The following SLC25A24 variants were observed in gnomAD, a reference collection of about 807,000 sequenced individuals.
SLC25A24 encodes solute carrier family 25 member 24.
A neutral mutation model predicts 60.7 loss-of-function variants in SLC25A24; 49 were observed. That is an observed-to-expected ratio of 0.81 (90% CI 0.64 to 1.02). The LOEUF is 1.02. SLC25A24 is among the 50% of genes least tolerant of loss of function. The probability of loss-of-function intolerance (pLI) is 0.00; values close to 1 mark genes in which losing one functional copy is unlikely to be tolerated. For missense variants in SLC25A24, 564 were observed against 586.3 expected (o/e 0.96, Z 0.39); for synonymous variants, 202 against 200.6 (o/e 1.01, Z -0.06).
chr1:108,152,016 A>G (rs1000776859), intron 6 of SLC25A24, among the ~76,000 whole-genome samples: 8 of 152,100 alleles, frequency 5.3e-5, no homozygotes, highest in African/African-American at 9.6e-5. Context: ...TCTTACCTCA[A>G]TTATTTAAAT....
intron 7 of SLC25A24, among the ~76,000 whole-genome samples, chr1:108,145,063 C>G (rs962034927): frequency 2.0e-5 from 3 of 152,194 alleles, no homozygotes; most frequent in African/African-American, 7.2e-5. Flanking sequence ...TAAAAGCATT[C>G]CTATTTCTCC....
chr1:108,165,401 T>C (rs1288151952), intron 3 of SLC25A24, among the ~76,000 whole-genome samples: 1 of 147,724 alleles, frequency 6.8e-6, no homozygotes, highest in Non-Finnish European at 1.5e-5. Flanking sequence ...GGTGTGAAAG[T>C]CTCCCATTAT....
At position 108,135,172 on chromosome 1, in the gene SLC25A24, TTATCA is replaced by T. The variant is rs1371974715; in HGVS notation, c.*1476_*1480del. The T allele has an allele frequency of 4.6e-5, 7 of 152,562 alleles. No homozygotes were observed. The highest frequency in any genetic ancestry group is 1.7e-4 in the African/African-American group (7 of 41,454). The allele number at this position is 152,562 out of a possible 1,614,324, so 9.5% of individuals were successfully genotyped here. A position where few individuals can be genotyped will look rare whatever the true frequency, so the allele number is the denominator to read the frequency against. On this transcript the variant is annotated 3_prime_UTR_variant, in exon 10 of 10. Coordinates refer to ENST00000565488, the MANE Select transcript of SLC25A24 (RefSeq NM_013386.5). ...TAACCCTAAAAGTAGAATCCCAGGC[TTATCA>T]TATTATAAAAATACTGAGACATTTA...
chr1:108,139,760 C>T (rs1232427257), intron 8 of SLC25A24, among the ~76,000 whole-genome samples: 1 of 152,024 alleles, frequency 6.6e-6, no homozygotes, highest in Non-Finnish European at 1.5e-5. Context: ...TACAGGCACC[C>T]ACCACCACGC....
chr1:108,191,815 C>T lies in SLC25A24; in HGVS notation c.184-5861G>A, dbSNP rs1648352315. On this transcript the variant is annotated intron_variant, in intron 1 of 9. Coordinates refer to ENST00000565488, the MANE Select transcript of SLC25A24 (RefSeq NM_013386.5). The stretch of plus-strand genomic sequence containing the variant: ...GTCAAACATCCAAAGAGCAAATATA[C>T]TTATAAAGTAATTATTATATACAAT... 1.4e-5 allele frequency among the ~76,000 whole-genome samples: 2 copies of T among 139,618 alleles called. 1 individual carries two copies. 91.6% of individuals were successfully genotyped at this position (139,618 alleles called of 152,430 possible). A position where few individuals can be genotyped will look rare whatever the true frequency, so the allele number is the denominator to read the frequency against.
chr1:108,139,537 C>T (rs145954028), intron 8 of SLC25A24, among the ~76,000 whole-genome samples: 1 of 152,254 alleles, frequency 6.6e-6, no homozygotes, highest in Non-Finnish European at 1.5e-5. Context: ...TCATTTTACA[C>T]GTTACATATA....
At chr1:108,145,778 C>T (rs953161584) in intron 7 of SLC25A24, among the ~76,000 whole-genome samples, 3 of 152,112 alleles carry the variant, frequency 2.0e-5, no homozygotes, top group Admixed American at 2.0e-4. Context: ...TGTTTGGTAC[C>T]AGTACCATGC....
intron 7 of SLC25A24, among the ~76,000 whole-genome samples, chr1:108,146,424 T>C (rs185489588): frequency 1.6e-4 from 24 of 152,354 alleles, no homozygotes; most frequent in Non-Finnish European, 2.8e-4. Flanking sequence ...TCCTGCCTGA[T>C]TGCCTTGGCC....
chr1:108,180,321 C>G (rs894653013), intron 3 of SLC25A24, among the ~76,000 whole-genome samples: 47 of 151,238 alleles, frequency 3.1e-4, no homozygotes, highest in African/African-American at 1.0e-3. Flanking sequence ...GCTGAGATCG[C>G]ACCATTGCAC....
chr1:108,189,432 G>T (rs1648263932), intron 1 of SLC25A24, among the ~76,000 whole-genome samples: 1 of 152,184 alleles, frequency 6.6e-6, no homozygotes. Context: ...CCCAGGAGGT[G>T]AATGTCCTTT....
chr1:108,157,572 C>T lies in SLC25A24; in HGVS notation c.559G>A (p.Asp187Asn). The T allele has an allele frequency of 6.2e-7, 1 of 1,614,118 alleles. No homozygotes were observed. Among genetic ancestry groups the T allele is most frequent in the Non-Finnish European group, 8.5e-7 (1 of 1,180,018 alleles). ...SLTIPDEFTE[D>N]EKKSGQWWRQ... is the part of the protein sequence containing the mutation. ...CACCATTGTCCGGATTTTTTTTCGT[C>T]TTCCGTGAATTCATCTGGAATAGTT... The change falls in exon 5 of 10, where the codon GAC becomes AAC. Residue 187 changes from aspartate (D) to asparagine (N), a missense_variant. Asp to Asn is a conservative substitution (Grantham distance 23). Transcript: ENST00000565488.
At chr1:108,192,757 CA>C in intron 1 of SLC25A24, 1 of 1,362,978 alleles carries the variant, frequency 7.3e-7, no homozygotes, top group Non-Finnish European at 9.5e-7. Flanking sequence ...TCAGGGGCGC[CA>C]AACACAATGC....
chr1:108,137,231 T>C (rs1679316055), intron 9 of SLC25A24, among the ~76,000 whole-genome samples: 1 of 152,160 alleles, frequency 6.6e-6, no homozygotes, highest in African/African-American at 2.4e-5. Flanking sequence ...CTAAAGCTGG[T>C]ACACTTTCCA....
At chr1:108,160,321 C>T (rs1291214519) in intron 4 of SLC25A24, among the ~76,000 whole-genome samples, 59 of 150,406 alleles carry the variant, frequency 3.9e-4, no homozygotes, top group African/African-American at 1.3e-3. Flanking sequence ...GATGGGATGG[C>T]GGCCGGGAAG....
intron 4 of SLC25A24, among the ~76,000 whole-genome samples, chr1:108,160,201 G>A (rs1269958800): frequency 6.6e-5 from 10 of 152,002 alleles, no homozygotes; most frequent in South Asian, 2.1e-4. Context: ...CTTCTCAGAC[G>A]GGGCGGCCGA....
intron 7 of SLC25A24, among the ~76,000 whole-genome samples, chr1:108,144,128 G>T (rs1679520423): frequency 6.6e-6 from 1 of 152,058 alleles, no homozygotes; most frequent in South Asian, 2.1e-4. Flanking sequence ...AGGAAAAATA[G>T]GTATTAAGTT....
Position 108,185,958 on chromosome 1 carries a change from T to TA in SLC25A24, c.184-5dup, listed in dbSNP as rs748277671. ...CATCTCCAGTAGTAAAAATTTTCTATAAAAAAAAATTAGAGAGAAGTTATT... is the reference window on the plus strand; with the variant it reads ...CATCTCCAGTAGTAAAAATTTTCTATAAAAAAAAAATTAGAGAGAAGTTATT... On this transcript the variant is annotated splice_region_variant and splice_polypyrimidine_tract_variant and intron_variant, in intron 1 of 9. Coordinates refer to ENST00000565488, the MANE Select transcript of SLC25A24 (RefSeq NM_013386.5). 1.0e-3 allele frequency: 1,552 copies of TA among 1,527,228 alleles called. No homozygotes were observed. Among genetic ancestry groups the TA allele is most frequent in the Admixed American group, 1.3e-3 (64 of 50,750 alleles). The allele number at this position is 1,527,228 out of a possible 1,614,324, so 94.6% of individuals were successfully genotyped here.
chr1:108,166,124 C>A (rs1048718434), intron 3 of SLC25A24, among the ~76,000 whole-genome samples: 15 of 152,220 alleles, frequency 9.9e-5, no homozygotes, highest in Non-Finnish European at 1.6e-4. Context: ...TATTGGCCCC[C>A]ACTCTCTTCT....
intron 3 of SLC25A24, among the ~76,000 whole-genome samples, chr1:108,166,615 T>C (rs893254983): frequency 2.0e-5 from 3 of 152,198 alleles, no homozygotes; most frequent in African/African-American, 7.2e-5. Context: ...ATTCTTCATG[T>C]AGTTCTCGAG....
Sources: allele counts gnomAD v4.1 joint callset (sites outside exome capture counted in the v4.1 genomes callset), GRCh38; gene constraint gnomAD v4.1.1; transcripts MANE v1.5; gene names NCBI Gene and HGNC (gene_info 2026-07-23, HGNC 2026-07-21).